The following AFF3 variants were observed in gnomAD, a reference collection of about 807,000 sequenced individuals.
AFF3 encodes ALF transcription elongation factor 3.
Under a neutral mutation model 129.7 loss-of-function variants are expected in AFF3, and 32 were observed. The observed-to-expected ratio is 0.25, with a 90% CI of 0.19 to 0.33. AFF3 has a LOEUF of 0.33. Ranked by LOEUF, AFF3 falls within the 10% of genes least tolerant of loss-of-function variation. The pLI is 1.00. For missense variants in AFF3, 1,373 were observed against 1,592.0 expected (o/e 0.86, Z 2.34); for synonymous variants, 644 against 635.4 (o/e 1.01, Z -0.20).
At chr2:99,968,787 G>A (rs1576451131) in intron 7 of AFF3, among the ~76,000 whole-genome samples, 1 of 152,170 alleles carries the variant, frequency 6.6e-6, no homozygotes, top group African/African-American at 2.4e-5. Context: ...CGGCTAGAAG[G>A]TGCATTGGCA....
chr2:99,609,388 C>A (rs1376911770), intron 13 of AFF3, among the ~76,000 whole-genome samples: 1 of 152,138 alleles, frequency 6.6e-6, no homozygotes, highest in Non-Finnish European at 1.5e-5. Context: ...TCCCCTCCCA[C>A]CTTTCCCCCA....
chr2:99,942,373 G>C (rs1488439009), intron 7 of AFF3, among the ~76,000 whole-genome samples: 2 of 152,132 alleles, frequency 1.3e-5, no homozygotes, highest in Non-Finnish European at 2.9e-5. Context: ...GCAAGTTAGA[G>C]GGTGGACAAG....
chr2:99,836,812 C>T (rs1000599787), intron 8 of AFF3, among the ~76,000 whole-genome samples: 4 of 151,752 alleles, frequency 2.6e-5, no homozygotes, highest in African/African-American at 9.7e-5. Flanking sequence ...TATTAGGTAA[C>T]TCCCCTGAAA....
At chr2:99,677,066 G>A (rs1052391492) in intron 11 of AFF3, among the ~76,000 whole-genome samples, 1 of 152,062 alleles carries the variant, frequency 6.6e-6, no homozygotes, top group East Asian at 1.9e-4. Flanking sequence ...CCAAGAGTTC[G>A]AGATCAGCCC....
chr2:99,750,417 T>C (rs1029699042), intron 9 of AFF3, among the ~76,000 whole-genome samples: 55 of 98,018 alleles, frequency 5.6e-4, no homozygotes, highest in African/African-American at 2.7e-3. Context: ...TTTTTTCTTT[T>C]CTTTTTTTTT....
chr2:99,718,768 T>C (rs1012508768), intron 11 of AFF3, among the ~76,000 whole-genome samples: 6 of 151,742 alleles, frequency 4.0e-5, no homozygotes, highest in African/African-American at 1.2e-4. Flanking sequence ...TTTTTTTTTT[T>C]CAGAAGGAGT....
Position 99,764,998 on chromosome 2 carries a change from G to A in AFF3, c.922-12697C>T, listed in dbSNP as rs141767362. Among the ~76,000 whole-genome samples, 975 of 152,210 alleles carry A rather than the reference G, an allele frequency of 6.4e-3. 10 individuals are homozygous for A. The highest frequency in any genetic ancestry group is 0.021 in the Admixed American group (314 of 15,290). On this transcript the variant is annotated intron_variant, in intron 8 of 24. Transcript: ENST00000672756. Reference sequence around the variant, plus strand: ...GAATCTGGGGCTGACACATCACTGCGTCATTTCTGAGCCAAATCTTGTCAA... The same window carrying A: ...GAATCTGGGGCTGACACATCACTGCATCATTTCTGAGCCAAATCTTGTCAA...
intron 8 of AFF3, among the ~76,000 whole-genome samples, chr2:99,836,586 C>T (rs1346621): frequency 0.78 from 119,022 of 151,940 alleles, 47,419 homozygotes; most frequent in South Asian, 0.93. Context: ...AACATCTGGC[C>T]TTTTAAAATA....
At chr2:99,866,297 T>G (rs1460179744) in intron 7 of AFF3, among the ~76,000 whole-genome samples, 1 of 152,162 alleles carries the variant, frequency 6.6e-6, no homozygotes, top group Non-Finnish European at 1.5e-5. Flanking sequence ...AAATTTAAAT[T>G]GAAATGAATG....
intron 14 of AFF3, among the ~76,000 whole-genome samples, chr2:99,599,547 C>T (rs905758878): frequency 1.3e-5 from 2 of 152,172 alleles, no homozygotes; most frequent in African/African-American, 2.4e-5. Flanking sequence ...TGAGCCACTG[C>T]GCCCGGCCAA....
Position 100,016,188 on chromosome 2 carries a change from GATA to G in AFF3, c.54-7259_54-7257del, listed in dbSNP as rs762355527. Among the ~76,000 whole-genome samples, 166 of 151,196 alleles carry G rather than the reference GATA, an allele frequency of 1.1e-3. 1 individual carries two copies. The highest frequency in any genetic ancestry group is 1.6e-3 in the Non-Finnish European group (106 of 67,736). On this transcript the variant is annotated intron_variant, in intron 4 of 24. Coordinates refer to ENST00000672756, the MANE Select transcript of AFF3 (RefSeq NM_001386135.1). ...TGGTGGTGGTAGTTGTGGCGATGCT[GATA>G]ATGATTGTGGTTGTGATAATGGCAA...
chr2:99,606,802 T>C (rs1680392592), intron 13 of AFF3, among the ~76,000 whole-genome samples: 1 of 149,882 alleles, frequency 6.7e-6, no homozygotes, highest in Non-Finnish European at 1.5e-5. Context: ...TAGTCCCAGC[T>C]ACTCAGGAGG....
intron 8 of AFF3, among the ~76,000 whole-genome samples, chr2:99,829,888 C>A (rs1688383695): frequency 6.6e-6 from 1 of 152,180 alleles, no homozygotes; most frequent in Non-Finnish European, 1.5e-5. Context: ...CCCAAATGCT[C>A]ATCAATGATA....
chr2:99,574,057 C>A (rs1210567263), intron 18 of AFF3, among the ~76,000 whole-genome samples: 1 of 152,212 alleles, frequency 6.6e-6, no homozygotes, highest in African/African-American at 2.4e-5. Flanking sequence ...GCCAAGAATT[C>A]CCCTGTCACT....
At chr2:99,655,190 G>C (rs1685632864) in intron 12 of AFF3, among the ~76,000 whole-genome samples, 1 of 148,640 alleles carries the variant, frequency 6.7e-6, no homozygotes. Context: ...TTAGTGTCTA[G>C]AGGTGGGGCA....
chr2:99,990,560 C>G (rs1459279550), intron 7 of AFF3, among the ~76,000 whole-genome samples: 1 of 151,902 alleles, frequency 6.6e-6, no homozygotes, highest in Non-Finnish European at 1.5e-5. Context: ...CTACATCCTG[C>G]AAGGATTGGG....
chr2:99,699,136 G>A (rs544345604), intron 11 of AFF3, among the ~76,000 whole-genome samples: 11 of 152,310 alleles, frequency 7.2e-5, no homozygotes, highest in African/African-American at 1.9e-4. Context: ...TGGGATAACA[G>A]TTATATAATA....
At chr2:99,935,919 A>G (rs539023956) in intron 7 of AFF3, among the ~76,000 whole-genome samples, 142 of 152,306 alleles carry the variant, frequency 9.3e-4, no homozygotes, top group African/African-American at 3.3e-3. Context: ...GAAACAATAC[A>G]ACTTCAAATA....
At chr2:99,830,620 C>T (rs891193861) in intron 8 of AFF3, among the ~76,000 whole-genome samples, 5 of 151,976 alleles carry the variant, frequency 3.3e-5, no homozygotes, top group Non-Finnish European at 7.4e-5. Context: ...GGTGTGGTGG[C>T]GGGTGACTGT....
Sources: allele counts gnomAD v4.1 joint callset (sites outside exome capture counted in the v4.1 genomes callset), GRCh38; gene constraint gnomAD v4.1.1; transcripts MANE v1.5; gene names NCBI Gene and HGNC (gene_info 2026-07-23, HGNC 2026-07-21).